RMDN2: variants seen among roughly 807,000 people sequenced by gnomAD.
The protein encoded by RMDN2 is regulator of microtubule dynamics protein 2.
RMDN2 carries 61 observed loss-of-function variants against 52.8 expected under a neutral mutation model. The observed-to-expected ratio is 1.16, with a 90% CI of 0.94 to 1.43. The LOEUF (loss-of-function observed/expected upper bound fraction) is 1.43, where lower values mean the gene tolerates loss of function less well. RMDN2 is among the 40% of genes most tolerant of loss of function. The pLI is 0.00. For synonymous variants in RMDN2, 180 were observed against 153.1 expected (o/e 1.18, Z -1.30); for missense variants, 592 against 475.3 (o/e 1.25, Z -2.28).
rs1162615817 is a variant in RMDN2, at chr2:37,981,223, A to G, written c.731-60A>G. The G allele has an allele frequency of 9.7e-6, 10 of 1,029,772 alleles. No individual in the cohort carries two copies. In the East Asian group the frequency reaches 1.2e-4, roughly 12 times the overall value. 63.8% of individuals were successfully genotyped at this position (1,029,772 alleles called of 1,614,324 possible). On this transcript the variant is annotated intron_variant, in intron 4 of 10. Coordinates refer to ENST00000354545, the MANE Select transcript of RMDN2 (RefSeq NM_001170791.3). ...ACTTTGTGAACCATGAGTTAATTCA[A>G]TAATCCACCTCCTACCAACTCACAT...
chr2:37,934,397 G>T (rs1667114998), intron 2 of RMDN2, among the ~76,000 whole-genome samples: 1 of 152,164 alleles, frequency 6.6e-6, no homozygotes. Context: ...GTATGGTGGT[G>T]ATGAACAATG....
chr2:37,952,041 C>A (rs1473263543), intron 2 of RMDN2: 1 of 1,613,456 alleles, frequency 6.2e-7, no homozygotes, highest in African/African-American at 1.3e-5. Context: ...TGGAACTTTC[C>A]CATTCCTCCA....
intron 10 of RMDN2, among the ~76,000 whole-genome samples, chr2:38,027,595 A>T (rs192545282): frequency 6.6e-6 from 1 of 152,222 alleles, no homozygotes; most frequent in Admixed American, 6.5e-5. Context: ...TACTTGTACT[A>T]TGGAATTACT....
At chr2:37,938,276 G>A (rs571108082) in intron 2 of RMDN2, among the ~76,000 whole-genome samples, 2 of 152,286 alleles carry the variant, frequency 1.3e-5, no homozygotes, top group South Asian at 2.1e-4. Flanking sequence ...GCTTTTTGAT[G>A]TGCTGCTGGA....
chr2:38,049,198 T>G (rs1388315523), intron 10 of RMDN2, among the ~76,000 whole-genome samples: 2 of 152,150 alleles, frequency 1.3e-5, no homozygotes, highest in Non-Finnish European at 2.9e-5. Context: ...AAGTCAGACC[T>G]GGAAAGTCTA....
intron 1 of RMDN2, among the ~76,000 whole-genome samples, chr2:37,928,232 A>T (rs1666443276): frequency 6.6e-6 from 1 of 152,220 alleles, no homozygotes; most frequent in South Asian, 2.1e-4. Context: ...TAGGAATCCA[A>T]AGACGTTCTT....
chr2:38,060,002 A>G (rs1325239790), intron 10 of RMDN2, among the ~76,000 whole-genome samples: 1 of 151,946 alleles, frequency 6.6e-6, no homozygotes, highest in East Asian at 1.9e-4. Context: ...GGTTCAAATG[A>G]TTTTCCTGCC....
intron 4 of RMDN2, among the ~76,000 whole-genome samples, chr2:37,978,819 A>G (rs952065549): frequency 1.2e-4 from 10 of 80,604 alleles, no homozygotes. Context: ...TAGATAGAGA[A>G]CAGGCTGTTT....
chr2:38,006,097 T>G (rs919378242), intron 10 of RMDN2, among the ~76,000 whole-genome samples: 2 of 152,246 alleles, frequency 1.3e-5, no homozygotes, highest in African/African-American at 4.8e-5. Context: ...GCTGTTTTGG[T>G]GACTGTAGCC....
At chr2:37,941,503 TTCCCCCAG>T (rs1667784341) in intron 2 of RMDN2, among the ~76,000 whole-genome samples, 1 of 152,242 alleles carries the variant, frequency 6.6e-6, no homozygotes, top group Non-Finnish European at 1.5e-5. Context: ...CAGCCGCGCC[TTCCCCCAG>T]TTGCTCTGTC....
At chr2:37,932,386 C>A (rs1666838518) in intron 2 of RMDN2, among the ~76,000 whole-genome samples, 1 of 151,732 alleles carries the variant, frequency 6.6e-6, no homozygotes, top group Non-Finnish European at 1.5e-5. Flanking sequence ...GGGGTAAGGT[C>A]ACAGATCAAC....
intron 7 of RMDN2, among the ~76,000 whole-genome samples, chr2:37,994,382 G>A (rs899156792): frequency 6.6e-6 from 1 of 152,166 alleles, no homozygotes; most frequent in Non-Finnish European, 1.5e-5. Flanking sequence ...GGACTTAACA[G>A]AGCTTTTCTC....
At chr2:38,063,373 G>T (rs1020484167) in intron 10 of RMDN2, among the ~76,000 whole-genome samples, 2 of 152,208 alleles carry the variant, frequency 1.3e-5, no homozygotes, top group African/African-American at 4.8e-5. Flanking sequence ...GGCCAGTGAT[G>T]ATGAGCATTT....
chr2:37,925,130 C>T (rs1420612222), upstream of RMDN2, among the ~76,000 whole-genome samples: 1 of 152,128 alleles, frequency 6.6e-6, no homozygotes, highest in East Asian at 1.9e-4. Flanking sequence ...CCGAGACACA[C>T]GGTCCGGCGC....
At chr2:37,955,557 G>T (rs1669339762) in intron 2 of RMDN2, among the ~76,000 whole-genome samples, 1 of 152,048 alleles carries the variant, frequency 6.6e-6, no homozygotes, top group South Asian at 2.1e-4. Context: ...CCCACATGTT[G>T]TGGGAGGGAC....
intron 3 of RMDN2, among the ~76,000 whole-genome samples, chr2:37,974,483 G>A (rs950249192): frequency 6.7e-6 from 1 of 150,066 alleles, no homozygotes; most frequent in Non-Finnish European, 1.5e-5. Flanking sequence ...ACTTTTATTT[G>A]ATTTTTTTTT....
chr2:38,016,762 G>C (rs1678847448), intron 10 of RMDN2, among the ~76,000 whole-genome samples: 2 of 151,966 alleles, frequency 1.3e-5, no homozygotes, highest in African/African-American at 4.8e-5. Flanking sequence ...CTCAAGCCTT[G>C]ATATGGAAAA....
In RMDN2 at chr2:37,937,107, GT is replaced by G. The variant is rs376614842; in HGVS notation, c.452+7387del. Among the ~76,000 whole-genome samples the G allele has an allele frequency of 4.2e-3, 639 of 150,904 alleles. 7 individuals are homozygous for G. Among genetic ancestry groups the G allele is most frequent in the African/African-American group, 0.014 (585 of 41,120 alleles). On this transcript the variant is annotated intron_variant, in intron 2 of 10. Coordinates refer to ENST00000354545, the MANE Select transcript of RMDN2 (RefSeq NM_001170791.3). ...GGTGTAAGGAAGGGGTCCAGTTTCAGTTTTTTTTTGCATATGGCTAGCCAGT... is the reference window on the plus strand; with the variant it reads ...GGTGTAAGGAAGGGGTCCAGTTTCAGTTTTTTTTGCATATGGCTAGCCAGT...
rs1672960663 is a variant in RMDN2 at position 37,979,068 on chromosome 2, GA to G, written c.731-2214del. On this transcript the variant is annotated intron_variant, in intron 4 of 10. Coordinates refer to ENST00000354545, the MANE Select transcript of RMDN2 (RefSeq NM_001170791.3). The stretch of plus-strand genomic sequence containing the variant: ...GAATTGAAATAGGATATATCCAAAA[GA>G]GAAGAGTTTATAGTGCCAAAGAAAA... Among the ~76,000 whole-genome samples the G allele has an allele frequency of 6.6e-5, 10 of 152,314 alleles. No individual in the cohort carries two copies. In the South Asian group the frequency reaches 2.1e-3, roughly 32 times the overall value.
Sources: allele counts gnomAD v4.1 joint callset (sites outside exome capture counted in the v4.1 genomes callset), GRCh38; gene constraint gnomAD v4.1.1; transcripts MANE v1.5; gene names NCBI Gene and HGNC (gene_info 2026-07-23, HGNC 2026-07-21).